The following MYOCD variants were observed in gnomAD, a reference collection of about 807,000 sequenced individuals.
MYOCD encodes the protein myocardin.
A neutral mutation model predicts 96.1 loss-of-function variants in MYOCD; 32 were observed. The observed-to-expected ratio is 0.33, with a 90% CI of 0.25 to 0.45. The LOEUF (loss-of-function observed/expected upper bound fraction) is 0.45. Among genes scored for constraint, MYOCD ranks in the 20% least tolerant of loss-of-function variants. MYOCD has a pLI of 1.00. For missense variants in MYOCD, 1,133 were observed against 1,200.6 expected, an observed-to-expected ratio of 0.94 and a Z score of 0.83; for synonymous variants, 469 against 469.0, an observed-to-expected ratio of 1.00 and a Z score of 0.00.
chr17:12,671,365 G>A (rs552375982), intron 1 of MYOCD, among the ~76,000 whole-genome samples: 1 of 152,320 alleles, frequency 6.6e-6, no homozygotes, highest in East Asian at 1.9e-4. Context: ...ACAAAAAGGA[G>A]AGGAGTGACT....
At chr17:12,711,258 C>T (rs762097241) in intron 2 of MYOCD, among the ~76,000 whole-genome samples, 6 of 152,080 alleles carry the variant, frequency 3.9e-5, no homozygotes, top group Non-Finnish European at 8.8e-5. Context: ...CATGAATAGG[C>T]CCATTTTTAT....
intron 10 of MYOCD, among the ~76,000 whole-genome samples, chr17:12,754,326 A>T (rs1197302324): frequency 2.6e-5 from 4 of 151,920 alleles, no homozygotes; most frequent in Non-Finnish European, 4.4e-5. Flanking sequence ...CTGGTCTCTA[A>T]CTCCTGACCT....
chr17:12,684,130 A>G (rs2029960902), intron 1 of MYOCD, among the ~76,000 whole-genome samples: 1 of 151,826 alleles, frequency 6.6e-6, no homozygotes, highest in Admixed American at 6.6e-5. Context: ...ATTTTTCATG[A>G]ATTTATTATC....
chr17:12,685,026 C>T (rs1345952545), intron 1 of MYOCD, among the ~76,000 whole-genome samples: 2 of 148,940 alleles, frequency 1.3e-5, no homozygotes, highest in Admixed American at 6.7e-5. Flanking sequence ...CCAGGCATAG[C>T]GGCTCATGCC....
chr17:12,749,445 C>T (rs1414790077), intron 9 of MYOCD, among the ~76,000 whole-genome samples: 1 of 151,682 alleles, frequency 6.6e-6, no homozygotes, highest in Non-Finnish European at 1.5e-5. Flanking sequence ...AGGGGAATTG[C>T]TTGAACCCAG....
At chr17:12,677,394 T>G (rs1014287979) in intron 1 of MYOCD, among the ~76,000 whole-genome samples, 6 of 151,980 alleles carry the variant, frequency 3.9e-5, no homozygotes, top group African/African-American at 1.2e-4. Flanking sequence ...ATCCTGCACA[T>G]GTGCCCCTAA....
At chr17:12,671,184 A>G (rs1519251) in intron 1 of MYOCD, among the ~76,000 whole-genome samples, 88,942 of 152,074 alleles carry the variant, frequency 0.58, 26,893 homozygotes, top group African/African-American at 0.75. Flanking sequence ...CATAGTTTAT[A>G]GGGTATTTTC....
At position 12,752,888 on chromosome 17, in the gene MYOCD, A is replaced by C; in HGVS notation, c.1600A>C (p.Lys534Gln). Residue 534 changes from lysine (K) to glutamine (Q), a missense_variant, in exon 10 of 14, where the codon AAA becomes CAA. Coordinates refer to ENST00000425538, the MANE Select transcript of MYOCD (RefSeq NM_001146312.3). The part of the protein sequence containing the change: ...KQKVINELTW[K>Q]LQQEQRQVEE... ...GAAGGTGATCAATGAACTCACCTGG[A>C]AACTCCAGCAAGAGCAGAGGCAGGT... 6.2e-7 allele frequency: 1 copy of C among 1,614,144 alleles called. No homozygotes were observed. Among genetic ancestry groups the C allele is most frequent in the Non-Finnish European group, 8.5e-7 (1 of 1,180,034 alleles).
intron 4 of MYOCD, 70 bp from the exon 5 acceptor site, chr17:12,722,777 C>CA (rs1933905088): frequency 7.3e-6 from 10 of 1,374,904 alleles, no homozygotes; most frequent in Admixed American, 2.2e-5. Context: ...AACCACAAGC[C>CA]AAAAAACAAA....
intron 5 of MYOCD, among the ~76,000 whole-genome samples, chr17:12,735,325 A>G (rs1006072509): frequency 1.3e-5 from 2 of 152,208 alleles, no homozygotes; most frequent in African/African-American, 4.8e-5. Flanking sequence ...AAACCAGATG[A>G]AATTTGGCAA....
intron 7 of MYOCD, 73 bp downstream of exon 7, chr17:12,739,401 G>A (rs1470751205): frequency 1.4e-6 from 2 of 1,464,204 alleles, no homozygotes; most frequent in Non-Finnish European, 1.8e-6. Context: ...AGAACTTTCT[G>A]AGTTAGGTCT....
At chr17:12,688,197 G>T (rs1349091577) in intron 1 of MYOCD, among the ~76,000 whole-genome samples, 1 of 152,208 alleles carries the variant, frequency 6.6e-6, no homozygotes, top group African/African-American at 2.4e-5. Flanking sequence ...CACCTTGATT[G>T]TCAACAGCAG....
chr17:12,704,949 C>T lies in MYOCD; in HGVS notation c.56-179C>T, dbSNP rs556560006. 2.7e-5 allele frequency: 16 copies of T among 582,712 alleles called. No homozygotes were observed. In the South Asian group the frequency reaches 3.1e-4, roughly 11 times the overall value. 36.1% of individuals were successfully genotyped at this position (582,712 alleles called of 1,614,324 possible). On this transcript the variant is annotated intron_variant, in intron 1 of 13. Transcript: ENST00000425538. ...ACAGACTTACTGCAAAACCTTGTAA[C>T]CTTCTCAGCTTCTCTCCTTCTTCTT...
chr17:12,760,883 T>C, intron 13 of MYOCD, 176 bp downstream of exon 13: 1 of 588,444 alleles, frequency 1.7e-6, no homozygotes, highest in Non-Finnish European at 3.1e-6. Flanking sequence ...AAAAGAAGGC[T>C]TAGTGGATGA....
At chr17:12,688,248 A>T (rs117875911) in intron 1 of MYOCD, among the ~76,000 whole-genome samples, 129 of 152,294 alleles carry the variant, frequency 8.5e-4, no homozygotes, top group Non-Finnish European at 1.6e-3. Flanking sequence ...TGTCAGTACA[A>T]CCTGAACTGA....
At chr17:12,685,604 TAA>T (rs66632617) in intron 1 of MYOCD, among the ~76,000 whole-genome samples, 5,802 of 143,820 alleles carry the variant, frequency 0.04, 209 homozygotes, top group African/African-American at 0.094. Flanking sequence ...GAGACTGGCT[TAA>T]AAAAAAAAAA....
chr17:12,720,952 G>T (rs1471594627), intron 4 of MYOCD, among the ~76,000 whole-genome samples: 5 of 150,624 alleles, frequency 3.3e-5, no homozygotes, highest in Non-Finnish European at 7.4e-5. Flanking sequence ...AACCCGGGAG[G>T]CAGAGCTGGC....
Position 12,758,201 on chromosome 17 carries a change from T to C in MYOCD, c.2319T>C (p.Asp773=), listed in dbSNP as rs2033066206. 6.2e-7 allele frequency: 1 copy of C among 1,614,082 alleles called. No homozygotes were observed. Among genetic ancestry groups the C allele is most frequent in the Non-Finnish European group, 8.5e-7 (1 of 1,179,940 alleles). The change falls in exon 12 of 14, where the codon GAT becomes GAC. Residue 773 remains aspartate (D), a synonymous_variant. Transcript: ENST00000425538. ...SEVTQPPSYE[D]AVKQQMTRSQ... ...TAACACAGCCTCCATCCTATGAAGA[T>C]GCCGTAAAGCAGGTAACCATGTGAT...
chr17:12,715,661 C>A, intron 3 of MYOCD, 87 bp downstream of exon 3: 1 of 1,046,608 alleles, frequency 9.6e-7, no homozygotes, highest in Non-Finnish European at 1.4e-6. Flanking sequence ...GTGTAGAATT[C>A]CTACAACAAA....
Sources: gnomAD v4.1 joint callset for allele counts (sites outside exome capture counted in the v4.1 genomes callset) on GRCh38, gnomAD v4.1.1 for gene constraint, MANE v1.5 for transcripts, NCBI Gene and HGNC (gene_info 2026-07-23, HGNC 2026-07-21) for gene names.